Variants in LRRC4C observed in about 807,000 individuals in gnomAD.
LRRC4C encodes the protein leucine-rich repeat-containing protein 4C.
In LRRC4C, 5 loss-of-function variants were observed where a neutral mutation model predicts 33.6. That is an observed-to-expected ratio of 0.15 (90% confidence interval 0.08 to 0.31). The LOEUF (loss-of-function observed/expected upper bound fraction) is 0.31, where lower values mean the gene tolerates loss of function less well. LRRC4C is among the 10% of genes least tolerant of loss of function. The probability of loss-of-function intolerance (pLI) is 1.00; values close to 1 mark genes in which losing one functional copy is unlikely to be tolerated. For synonymous variants in LRRC4C, 329 were observed against 302.0 expected, an observed-to-expected ratio of 1.09 and a Z score of -0.93; for missense variants, 560 against 796.7, an observed-to-expected ratio of 0.70 and a Z score of 3.58.
intron 3 of LRRC4C, among the ~76,000 whole-genome samples, chr11:40,633,467 C>A (rs1173872337): frequency 6.6e-6 from 1 of 150,750 alleles, no homozygotes; most frequent in East Asian, 2.0e-4. Context: ...AGGCTCACTG[C>A]AACCTCCTCC....
At chr11:40,559,484 C>A (rs1345746590) in intron 3 of LRRC4C, among the ~76,000 whole-genome samples, 1 of 152,124 alleles carries the variant, frequency 6.6e-6, no homozygotes, top group Non-Finnish European at 1.5e-5. Flanking sequence ...TGTGCCTGAC[C>A]ATATGTGTCT....
At chr11:40,192,947 C>T (rs1465741614) in intron 5 of LRRC4C, among the ~76,000 whole-genome samples, 1 of 152,204 alleles carries the variant, frequency 6.6e-6, no homozygotes, top group Non-Finnish European at 1.5e-5. Flanking sequence ...AAGGCAGCAG[C>T]CCCAGTCAGG....
intron 1 of LRRC4C, among the ~76,000 whole-genome samples, chr11:41,438,064 A>AATACATAAATAC (rs1555171622): frequency 1.8e-4 from 27 of 148,664 alleles, no homozygotes; most frequent in Non-Finnish European, 2.8e-4. Flanking sequence ...TAAATAAATA[A>AATACATAAATAC]ATAAATAATA....
intron 4 of LRRC4C, among the ~76,000 whole-genome samples, chr11:40,263,331 C>G (rs10734481): frequency 0.048 from 7,280 of 152,128 alleles, 287 homozygotes; most frequent in South Asian, 0.11. Flanking sequence ...GTAGGTTTTT[C>G]TTTGGCTGTT....
intron 3 of LRRC4C, among the ~76,000 whole-genome samples, chr11:40,534,171 C>T (rs1956381718): frequency 1.3e-5 from 2 of 152,042 alleles, no homozygotes; most frequent in South Asian, 4.1e-4. Flanking sequence ...ATGGTTGGGA[C>T]AATGAGGTTG....
chr11:40,593,721 A>G (rs1959162250), intron 3 of LRRC4C, among the ~76,000 whole-genome samples: 1 of 152,218 alleles, frequency 6.6e-6, no homozygotes, highest in South Asian at 2.1e-4. Flanking sequence ...ATAGAAGACT[A>G]AAAAACTGCA....
intron 3 of LRRC4C, among the ~76,000 whole-genome samples, chr11:40,343,457 C>A (rs1323457905): frequency 6.6e-6 from 1 of 151,460 alleles, no homozygotes; most frequent in South Asian, 2.1e-4. Context: ...ATTCAGTCAC[C>A]CATGTTATAA....
chr11:40,542,266 G>C (rs1006286395), intron 3 of LRRC4C, among the ~76,000 whole-genome samples: 2 of 151,938 alleles, frequency 1.3e-5, no homozygotes, highest in Non-Finnish European at 2.9e-5. Context: ...AAAAATAAAG[G>C]GGTGTGATCA....
At chr11:41,180,011 C>T (rs757681328) in intron 1 of LRRC4C, among the ~76,000 whole-genome samples, 25 of 151,980 alleles carry the variant, frequency 1.6e-4, no homozygotes, top group Admixed American at 2.6e-4. Context: ...ACAGGACTGG[C>T]GGGCATGCAG....
intron 2 of LRRC4C, among the ~76,000 whole-genome samples, chr11:40,758,881 C>A (rs1225632004): frequency 6.6e-6 from 1 of 151,698 alleles, no homozygotes; most frequent in Non-Finnish European, 1.5e-5. Flanking sequence ...ATCACTTACC[C>A]CACAAACAAT....
intron 5 of LRRC4C, among the ~76,000 whole-genome samples, chr11:40,203,987 A>G (rs1862960794): frequency 6.6e-6 from 1 of 152,140 alleles, no homozygotes; most frequent in African/African-American, 2.4e-5. Context: ...CAGTGGCACA[A>G]TCATAGCTCA....
In LRRC4C at chr11:41,459,422, G is replaced by A. The variant is rs1590347696; in HGVS notation, c.-496+9C>T. 1 of 152,074 alleles carries A rather than the reference G, an allele frequency of 6.6e-6. No homozygotes were observed. The highest frequency in any genetic ancestry group is 6.6e-5 in the Admixed American group (1 of 15,262). 9.4% of individuals were successfully genotyped at this position (152,074 alleles called of 1,614,324 possible). A position where few individuals can be genotyped will look rare whatever the true frequency, so the allele number is the denominator to read the frequency against. ...CAAGAACTGAGATCTGAGGAGTCCC[G>A]TGACTTACCTTCTTTATGGATCCTC... On this transcript the variant is annotated intron_variant, in intron 1 of 6. Transcript: ENST00000528697.
rs1239548258 is a variant in LRRC4C at position 41,029,225 on chromosome 11, TAGG to T, written c.-495-95505_-495-95503del. Among the ~76,000 whole-genome samples the T allele has an allele frequency of 4.6e-5, 7 of 151,844 alleles. No homozygotes were observed. The East Asian group carries it at 1.4e-3, about 30-fold the overall frequency. On this transcript the variant is annotated intron_variant, in intron 1 of 6. Transcript: ENST00000528697. The stretch of plus-strand genomic sequence containing the variant: ...TGTAGTAGCATTTTTGTAAACCAGA[TAGG>T]AGGAGTTTCCAAACTCAAAGACTTT...
At chr11:41,344,979 T>C (rs1951758139) in intron 1 of LRRC4C, among the ~76,000 whole-genome samples, 1 of 152,154 alleles carries the variant, frequency 6.6e-6, no homozygotes, top group African/African-American at 2.4e-5. Flanking sequence ...TTAACTGTTT[T>C]TTTTTCCCCT....
intron 3 of LRRC4C, among the ~76,000 whole-genome samples, chr11:40,537,936 G>A (rs1591039834): frequency 6.6e-6 from 1 of 152,116 alleles, no homozygotes; most frequent in East Asian, 1.9e-4. Context: ...AGTCTGTTAG[G>A]AAAGCCGAAT....
intron 3 of LRRC4C, among the ~76,000 whole-genome samples, chr11:40,425,826 T>G (rs1186603074): frequency 6.6e-6 from 1 of 152,202 alleles, no homozygotes; most frequent in Non-Finnish European, 1.5e-5. Context: ...TTTAGCTGTC[T>G]TAGGCCATAG....
chr11:40,961,891 T>C (rs1451204764), intron 1 of LRRC4C, among the ~76,000 whole-genome samples: 2 of 151,712 alleles, frequency 1.3e-5, no homozygotes, highest in African/African-American at 4.8e-5. Flanking sequence ...GTAGGGGGTG[T>C]TAAATTATAG....
rs141678989 is a variant in LRRC4C, at chr11:40,281,421, T to A, written c.-176+38207A>T. 1.3e-4 allele frequency among the ~76,000 whole-genome samples: 20 copies of A among 152,270 alleles called. No homozygotes were observed. In the East Asian group the frequency reaches 3.9e-3, roughly 29 times the overall value. ...CCAGATTAGAACAGCTGCGCCAGGA[T>A]GAGCTCTCTCCCCGCAAACTCTTTC... On this transcript the variant is annotated intron_variant, in intron 4 of 6. Transcript: ENST00000528697.
intron 2 of LRRC4C, among the ~76,000 whole-genome samples, chr11:40,723,082 A>C (rs1361688220): frequency 6.6e-6 from 1 of 152,130 alleles, no homozygotes; most frequent in Non-Finnish European, 1.5e-5. Flanking sequence ...AAATGAGAAA[A>C]GCCTCCAAGA....
Sources: gnomAD v4.1 joint callset for allele counts (sites outside exome capture counted in the v4.1 genomes callset) on GRCh38, gnomAD v4.1.1 for gene constraint, MANE v1.5 for transcripts, NCBI Gene and HGNC (gene_info 2026-07-23, HGNC 2026-07-21) for gene names.